The following NOP53 variants were observed in gnomAD, a reference collection of about 807,000 sequenced individuals.
NOP53 encodes the protein ribosome biogenesis protein NOP53.
NOP53 carries 40 observed loss-of-function variants against 61.0 expected under a neutral mutation model. That is an observed-to-expected ratio of 0.66 (90% CI 0.51 to 0.85). NOP53 has a LOEUF of 0.85. Ranked by LOEUF, NOP53 falls within the 40% of genes least tolerant of loss-of-function variation. NOP53 has a pLI of 0.00. For synonymous variants in NOP53, 308 were observed against 289.5 expected, an observed-to-expected ratio of 1.06 and a Z score of -0.65; for missense variants, 689 against 652.9, an observed-to-expected ratio of 1.06 and a Z score of -0.60.
In NOP53 at chr19:47,755,725, G is replaced by A. The variant is rs753184197; in HGVS notation, c.1230-31G>A. 5.0e-6 allele frequency: 8 copies of A among 1,589,074 alleles called. No homozygotes were observed. The South Asian group carries it at 9.1e-5, about 18-fold the overall frequency. The stretch of plus-strand genomic sequence containing the variant: ...TGGGTGTCCTGGGCCCCGCGGGGGT[G>A]ATATTTCTGAACACCCGCCCTGTTC... On this transcript the variant is annotated intron_variant, in intron 9 of 12. Transcript: ENST00000246802.
chr19:47,749,781 A>G (rs895402467), intron 2 of NOP53, among the ~76,000 whole-genome samples: 3 of 151,378 alleles, frequency 2.0e-5, no homozygotes, highest in South Asian at 2.1e-4. Flanking sequence ...AGATCTCACT[A>G]TGTTGCTCAG....
In NOP53 at chr19:47,757,030, C is replaced by T. The variant is rs769630007; in HGVS notation, c.*25C>T. ...GCTGCCATCAGATGCCGGAGACTCGCCCTTCAATAAAAAATCTCTTCTAGC... is the reference window on the plus strand; with the variant it reads ...GCTGCCATCAGATGCCGGAGACTCGTCCTTCAATAAAAAATCTCTTCTAGC... On this transcript the variant is annotated 3_prime_UTR_variant, in exon 13 of 13. Coordinates refer to ENST00000246802, the MANE Select transcript of NOP53 (RefSeq NM_015710.5). 3 of 1,612,626 alleles carry T rather than the reference C, an allele frequency of 1.9e-6. No homozygotes were observed. Among genetic ancestry groups the T allele is most frequent in the South Asian group, 1.1e-5 (1 of 91,058 alleles).
intron 2 of NOP53, among the ~76,000 whole-genome samples, chr19:47,747,779 C>CTT (rs750831883): frequency 2.5e-4 from 14 of 56,864 alleles, no homozygotes; most frequent in East Asian, 9.8e-4. Flanking sequence ...TTCTCTCTCT[C>CTT]TTTTTTTTTT....
rs895241965 is a variant in NOP53, at chr19:47,745,709, G to A, written c.150G>A (p.Arg50=). 1.2e-6 allele frequency: 2 copies of A among 1,611,604 alleles called. No individual in the cohort carries two copies. The highest frequency in any genetic ancestry group is 1.7e-6 in the Non-Finnish European group (2 of 1,179,060). ...GAAATAAGAAGCGGGGCTGGCGGCGGCTTGCTCAGGAGCCGCTGGGGCTGG... is the reference window on the plus strand; with the variant it reads ...GAAATAAGAAGCGGGGCTGGCGGCGACTTGCTCAGGAGCCGCTGGGGCTGG... ...GPRNKKRGWR[R]LAQEPLGLEV... is the part of the protein sequence containing the mutation. The change falls in exon 1 of 13, where the codon CGG becomes CGA. Residue 50 remains arginine, a synonymous_variant. Transcript: ENST00000246802.
intron 1 of NOP53, chr19:47,746,200 G>GT (rs1162739915): frequency 1.3e-5 from 2 of 156,206 alleles, no homozygotes; most frequent in Non-Finnish European, 2.8e-5. Flanking sequence ...ATATATATAT[G>GT]TTTTTCAGAC....
Position 47,756,429 on chromosome 19 carries a change from G to T in NOP53, c.1297-99G>T, listed in dbSNP as rs989499649. 9 of 896,772 alleles carry T rather than the reference G, an allele frequency of 1.0e-5. No individual in the cohort carries two copies. The Admixed American group carries it at 1.4e-4, about 13-fold the overall frequency. 55.6% of individuals were successfully genotyped at this position (896,772 alleles called of 1,614,324 possible). A position where few individuals can be genotyped will look rare whatever the true frequency, so the allele number is the denominator to read the frequency against. ...TGGTGCCCACAGGCTGCCCTGGGGG[G>T]AGACTGCATGGGGCTGAGCCCTGCC... On this transcript the variant is annotated intron_variant, in intron 10 of 12. Transcript: ENST00000246802.
chr19:47,750,310 C>T, intron 3 of NOP53, 24 bp downstream of exon 3: 1 of 1,384,880 alleles, frequency 7.2e-7, no homozygotes, highest in Non-Finnish European at 1.0e-6. Flanking sequence ...CATCCCTGGG[C>T]CCTTCTTTCC....
Position 47,745,671 on chromosome 19 carries a change from C to A in NOP53, c.112C>A (p.Arg38=). 1.2e-6 allele frequency: 2 copies of A among 1,613,378 alleles called. No individual in the cohort carries two copies. The highest frequency in any genetic ancestry group is 1.7e-6 in the Non-Finnish European group (2 of 1,179,714). ...TSVDPALRRR[R]RGPRNKKRGW... is the part of the protein sequence containing the mutation. ...GGTGGACCCAGCGCTGAGGCGGCGG[C>A]GGCGAGGCCCAAGAAATAAGAAGCG... The change falls in exon 1 of 13, where the codon CGG becomes AGG. Residue 38 remains arginine, a synonymous_variant. Transcript: ENST00000246802.
Position 47,752,551 on chromosome 19 carries a change from G to C in NOP53, c.709G>C (p.Ala237Pro). ...RLHTKPSQAP[A>P]VEVAPAGASY... ...GCACACCAAGCCGTCCCAGGCACCCGCCGTGGAGGTGGCGCCTGCCGGAGC... is the reference window on the plus strand; with the variant it reads ...GCACACCAAGCCGTCCCAGGCACCCCCCGTGGAGGTGGCGCCTGCCGGAGC... The change falls in exon 6 of 13, where the codon GCC (alanine) becomes CCC (proline). Residue 237 changes from alanine to proline, a missense_variant. Ala to Pro is a conservative substitution (Grantham distance 27, BLOSUM62 -1). Transcript: ENST00000246802. The C allele has an allele frequency of 6.2e-7, 1 of 1,610,530 alleles. No individual in the cohort carries two copies. The highest frequency in any genetic ancestry group is 8.5e-7 in the Non-Finnish European group (1 of 1,178,922).
At chr19:47,751,144 G>A (rs1012258145) in intron 4 of NOP53, 37 bp downstream of exon 4, 2 of 1,525,886 alleles carry the variant, frequency 1.3e-6, no homozygotes, top group African/African-American at 2.7e-5. Flanking sequence ...ATGGGGACAG[G>A]ACGGCCATGT....
intron 6 of NOP53, 146 bp downstream of exon 6, chr19:47,752,753 A>T (rs1967140552): frequency 1.6e-6 from 1 of 611,776 alleles, no homozygotes; most frequent in Non-Finnish European, 3.0e-6. Context: ...AGTGCAAGAG[A>T]CCTGTTCCCA....
At chr19:47,756,667 G>A (rs759130335) in intron 11 of NOP53, 21 bp from the exon 12 acceptor site, 1 of 1,613,880 alleles carries the variant, frequency 6.2e-7, no homozygotes, top group Non-Finnish European at 8.5e-7. Flanking sequence ...GGCACTGATT[G>A]CTCCATTGTC....
At chr19:47,752,172 G>A (rs1716542821) in intron 5 of NOP53, among the ~76,000 whole-genome samples, 1 of 152,180 alleles carries the variant, frequency 6.6e-6, no homozygotes, top group African/African-American at 2.4e-5. Flanking sequence ...TGGGGAGAAT[G>A]TAAAGAGGTA....
Position 47,754,347 on chromosome 19 carries a change from G to A in NOP53, c.766-180G>A, listed in dbSNP as rs1316053845. 3 of 607,416 alleles carry A rather than the reference G, an allele frequency of 4.9e-6. No homozygotes were observed. The African/African-American group carries it at 5.5e-5, about 11-fold the overall frequency. 37.6% of individuals were successfully genotyped at this position (607,416 alleles called of 1,614,324 possible). A position where few individuals can be genotyped will look rare whatever the true frequency, so the allele number is the denominator to read the frequency against. On this transcript the variant is annotated intron_variant, in intron 6 of 12. Transcript: ENST00000246802. This position sits in a 1 kb window ranked among gnomAD's most constrained non-coding sequence, Gnocchi z 4.2. Reference sequence around the variant, plus strand: ...GTGCAGAGCAGGTGTGAGGGCGAGGGTTTGAGGTGCCCTCTGGCTCTGTGC... The same window carrying A: ...GTGCAGAGCAGGTGTGAGGGCGAGGATTTGAGGTGCCCTCTGGCTCTGTGC...
In NOP53 at chr19:47,752,737, C is replaced by T. The variant is rs137951274; in HGVS notation, c.765+130C>T. 2.5e-4 allele frequency: 158 copies of T among 641,592 alleles called. 1 individual carries two copies. Among genetic ancestry groups the T allele is most frequent in the African/African-American group, 2.3e-3 (128 of 56,156 alleles). The allele number at this position is 641,592 out of a possible 1,614,324, so 39.7% of individuals were successfully genotyped here. A position where few individuals can be genotyped will look rare whatever the true frequency, so the allele number is the denominator to read the frequency against. ...CTGGGCCTGTCCGCAACGGGGCTCA[C>T]GGTCCAGTGCAAGAGACCTGTTCCC... On this transcript the variant is annotated intron_variant, in intron 6 of 12. Coordinates refer to ENST00000246802, the MANE Select transcript of NOP53 (RefSeq NM_015710.5).
Position 47,751,029 on chromosome 19 carries a change from A to C in NOP53, c.520A>C (p.Asn174His). Residue 174 changes from asparagine (N) to histidine (H), a missense_variant, in exon 4 of 13, where the codon AAC becomes CAC. Transcript: ENST00000246802. ...EVRRAQARLL[N>H]PSATRAKPGP... ...GCGCAGGGCCCAGGCCCGGCTCCTC[A>C]ACCCTTCTGCAACAAGGGCCAAGCC... 6.2e-7 allele frequency: 1 copy of C among 1,604,762 alleles called. No individual in the cohort carries two copies. The highest frequency in any genetic ancestry group is 8.5e-7 in the Non-Finnish European group (1 of 1,176,690).
At chr19:47,747,508 G>A (rs1478958411) in intron 2 of NOP53, among the ~76,000 whole-genome samples, 1 of 152,066 alleles carries the variant, frequency 6.6e-6, no homozygotes, top group Non-Finnish European at 1.5e-5. Context: ...CAGTTGTGGT[G>A]GCGGGCACCT....
At position 47,750,191 on chromosome 19, in the gene NOP53, G is replaced by A; in HGVS notation, c.303G>A (p.Lys101=). Reference sequence around the variant, plus strand: ...TCCCATTCTTAGGGCTGACAAAGAAGAGAACCAAAGTCCAGAAGAAGTCAC... The same window carrying A: ...TCCCATTCTTAGGGCTGACAAAGAAAAGAACCAAAGTCCAGAAGAAGTCAC... The part of the protein sequence containing the change: ...TGSKEKGLTK[K]RTKVQKKSLL... Residue 101 remains lysine, a synonymous_variant, in exon 3 of 13, where the codon AAG becomes AAA. Coordinates refer to ENST00000246802, the MANE Select transcript of NOP53 (RefSeq NM_015710.5). The A allele has an allele frequency of 6.2e-7, 1 of 1,610,108 alleles. No individual in the cohort carries two copies. Among genetic ancestry groups the A allele is most frequent in the South Asian group, 1.1e-5 (1 of 90,982 alleles).
At chr19:47,747,783 T>C (rs1414619164) in intron 2 of NOP53, among the ~76,000 whole-genome samples, 8 of 14,160 alleles carry the variant, frequency 5.6e-4, no homozygotes, top group East Asian at 3.5e-3. Flanking sequence ...CTCTCTCTTT[T>C]TTTTTTTTTT....
Sources: gnomAD v4.1 joint callset for allele counts (sites outside exome capture counted in the v4.1 genomes callset) on GRCh38, gnomAD v4.1.1 for gene constraint, Gnocchi (gnomAD v3.1) non-coding constraint, MANE v1.5 for transcripts, NCBI Gene and HGNC (gene_info 2026-07-23, HGNC 2026-07-21) for gene names.